FAM149B1: variants seen among roughly 807,000 people sequenced by gnomAD.
FAM149B1 encodes the protein primary cilium assembly protein FAM149B1.
A neutral mutation model predicts 75.3 loss-of-function variants in FAM149B1; 56 were observed. The observed-to-expected ratio is 0.74, with a 90% CI of 0.60 to 0.93. The LOEUF (loss-of-function observed/expected upper bound fraction) is 0.93. FAM149B1 is among the 40% of genes least tolerant of loss of function. The pLI, the probability that FAM149B1 is intolerant of heterozygous loss-of-function variation, is 0.00. For missense variants in FAM149B1, 639 were observed against 708.4 expected, an observed-to-expected ratio of 0.90 and a Z score of 1.11; for synonymous variants, 259 against 256.1, an observed-to-expected ratio of 1.01 and a Z score of -0.11.
chr10:73,235,312 A>T lies in FAM149B1; in HGVS notation c.1596A>T (p.Ser532=). The change falls in exon 12 of 14, where the codon TCA becomes TCT. Residue 532 remains serine, a synonymous_variant. Transcript: ENST00000242505. ...DFFPRPNTTQ[S]FLLDTQYRRS... is the part of the protein sequence containing the mutation. The stretch of plus-strand genomic sequence containing the variant: ...TCCCCAGGCCCAACACAACTCAATC[A>T]TTTTTGGTAGAGTGACGTACTTCCT... The T allele has an allele frequency of 6.4e-7, 1 of 1,552,080 alleles. No homozygotes were observed.
Position 73,168,165 on chromosome 10 carries a change from T to C in FAM149B1, c.-175T>C, listed in dbSNP as rs1315284311. 2 of 647,646 alleles carry C rather than the reference T, an allele frequency of 3.1e-6. No homozygotes were observed. The highest frequency in any genetic ancestry group is 5.2e-6 in the Non-Finnish European group (2 of 383,180). The allele number at this position is 647,646 out of a possible 1,614,324, so 40.1% of individuals were successfully genotyped here. The stretch of plus-strand genomic sequence containing the variant: ...CAGGGAGGTCGGAGGACTGGAGAGG[T>C]GGGGACCCTGGGGAGGTGGCTGCTC... On this transcript the variant is annotated 5_prime_UTR_variant, in exon 1 of 14. Transcript: ENST00000242505.
intron 7 of FAM149B1, among the ~76,000 whole-genome samples, chr10:73,226,198 A>G (rs1422020968): frequency 6.6e-6 from 1 of 151,762 alleles, no homozygotes; most frequent in Non-Finnish European, 1.5e-5. Context: ...AAGCAGTGGC[A>G]TATAATGATT....
intron 7 of FAM149B1, among the ~76,000 whole-genome samples, chr10:73,214,362 G>A (rs1160433411): frequency 2.6e-5 from 4 of 152,096 alleles, no homozygotes; most frequent in African/African-American, 9.7e-5. Flanking sequence ...TGGTGAAAGT[G>A]GGCATCCTTG....
At chr10:73,215,013 T>G (rs2043265085) in intron 7 of FAM149B1, among the ~76,000 whole-genome samples, 1 of 152,114 alleles carries the variant, frequency 6.6e-6, no homozygotes, top group African/African-American at 2.4e-5. Flanking sequence ...TGTTTGTTTT[T>G]CAGTTTTTGG....
rs542503621 is a variant in FAM149B1, at chr10:73,174,310, A to G, written c.48-377A>G. Among the ~76,000 whole-genome samples, 22 of 152,286 alleles carry G rather than the reference A, an allele frequency of 1.4e-4. No individual in the cohort carries two copies. In the South Asian group the frequency reaches 4.6e-3, roughly 32 times the overall value. ...TGTATGAGACATCCGGTTTCTCCACATCCATGCCTGCATTTTGTGTTATCA... is the reference window on the plus strand; with the variant it reads ...TGTATGAGACATCCGGTTTCTCCACGTCCATGCCTGCATTTTGTGTTATCA... On this transcript the variant is annotated intron_variant, in intron 1 of 13. Transcript: ENST00000242505.
intron 7 of FAM149B1, among the ~76,000 whole-genome samples, chr10:73,227,365 G>A (rs2043576131): frequency 2.0e-5 from 3 of 152,136 alleles, no homozygotes; most frequent in Non-Finnish European, 4.4e-5. Flanking sequence ...GATTACAGAT[G>A]TCAGCCACCA....
chr10:73,189,978 A>T (rs1306308493), intron 3 of FAM149B1, among the ~76,000 whole-genome samples: 3 of 152,242 alleles, frequency 2.0e-5, no homozygotes. Context: ...ACTTAAGAAC[A>T]GGCAAATATG....
chr10:73,201,191 T>A (rs1402396238), intron 5 of FAM149B1: 1 of 244,992 alleles, frequency 4.1e-6, no homozygotes, highest in African/African-American at 2.3e-5. Context: ...AATACTACAG[T>A]GAAGGAAATG....
intron 7 of FAM149B1, among the ~76,000 whole-genome samples, chr10:73,224,408 A>G (rs1299477114): frequency 6.6e-6 from 1 of 152,148 alleles, no homozygotes; most frequent in Non-Finnish European, 1.5e-5. Flanking sequence ...CAACAGTAGA[A>G]TGTGATATAT....
At chr10:73,240,644 A>G (rs2043925606) in intron 13 of FAM149B1, among the ~76,000 whole-genome samples, 3 of 151,718 alleles carry the variant, frequency 2.0e-5, no homozygotes, top group Non-Finnish European at 2.9e-5. Flanking sequence ...CCTGGGAGGC[A>G]GAGCTTGCAG....
At chr10:73,240,076 A>G (rs1243706284) in intron 13 of FAM149B1, among the ~76,000 whole-genome samples, 1 of 152,138 alleles carries the variant, frequency 6.6e-6, no homozygotes, top group Non-Finnish European at 1.5e-5. Context: ...AAGCAGTGCC[A>G]CCATGCCCAG....
At chr10:73,210,942 T>C (rs2043175182) in intron 7 of FAM149B1, among the ~76,000 whole-genome samples, 1 of 152,168 alleles carries the variant, frequency 6.6e-6, no homozygotes, top group Non-Finnish European at 1.5e-5. Context: ...GGTAGGGTTT[T>C]TTCCCCCACA....
intron 12 of FAM149B1, among the ~76,000 whole-genome samples, chr10:73,237,030 G>A (rs1425915727): frequency 6.6e-6 from 1 of 151,960 alleles, no homozygotes; most frequent in Non-Finnish European, 1.5e-5. Context: ...GTCTTTACAT[G>A]GCTTTCCTCC....
intron 12 of FAM149B1, among the ~76,000 whole-genome samples, chr10:73,236,644 C>T (rs1698619196): frequency 6.6e-6 from 1 of 151,828 alleles, no homozygotes; most frequent in African/African-American, 2.4e-5. Flanking sequence ...GAACTCCTGA[C>T]CTCATTATCT....
chr10:73,173,174 A>G (rs1318535697), intron 1 of FAM149B1, among the ~76,000 whole-genome samples: 1 of 152,100 alleles, frequency 6.6e-6, no homozygotes, highest in Non-Finnish European at 1.5e-5. Context: ...ATAATTATAG[A>G]CTCACAGGAA....
At chr10:73,192,756 G>A in intron 4 of FAM149B1, 58 bp downstream of exon 4, 2 of 1,394,484 alleles carry the variant, frequency 1.4e-6, no homozygotes, top group Non-Finnish European at 1.9e-6. Context: ...TTAAAAAGTA[G>A]ATTTAAAAAA....
intron 5 of FAM149B1, among the ~76,000 whole-genome samples, chr10:73,194,652 C>T (rs528090656): frequency 3.1e-4 from 47 of 149,368 alleles, no homozygotes; most frequent in Non-Finnish European, 4.7e-4. Flanking sequence ...CATGAACCAC[C>T]GCACCCAGAC....
intron 7 of FAM149B1, among the ~76,000 whole-genome samples, chr10:73,223,944 A>T (rs1026038326): frequency 6.6e-6 from 1 of 152,230 alleles, no homozygotes; most frequent in African/African-American, 2.4e-5. Flanking sequence ...CACGTACCAG[A>T]TAAAATCTTA....
Position 73,240,991 on chromosome 10 carries a change from C to T in FAM149B1, c.1721C>T (p.Pro574Leu). 1 of 1,498,352 alleles carries T rather than the reference C, an allele frequency of 6.7e-7. No individual in the cohort carries two copies. Among genetic ancestry groups the T allele is most frequent in the South Asian group, 1.2e-5 (1 of 82,804 alleles). 92.8% of individuals were successfully genotyped at this position (1,498,352 alleles called of 1,614,324 possible). A position where few individuals can be genotyped will look rare whatever the true frequency, so the allele number is the denominator to read the frequency against. ...GSTKSQSGGR[P>L]VSRTRQGP ...ACAAAATCTCAAAGCGGAGGCAGAC[C>T]AGTCTCTCGAACCAGGCAGGGACCA... is the stretch of plus-strand genomic sequence containing the variant. Residue 574 changes from proline to leucine, a missense_variant, in exon 14 of 14, where the codon CCA (proline) becomes CTA (leucine). Physicochemically the swap from Pro to Leu is moderately conservative, Grantham distance 98 (BLOSUM62 -3). Transcript: ENST00000242505.
Sources: allele counts gnomAD v4.1 joint callset (sites outside exome capture counted in the v4.1 genomes callset), GRCh38; gene constraint gnomAD v4.1.1; transcripts MANE v1.5; gene names NCBI Gene and HGNC (gene_info 2026-07-23, HGNC 2026-07-21).